The following HDAC9 variants were observed in gnomAD, a reference collection of about 807,000 sequenced individuals.
HDAC9 encodes the protein histone deacetylase 9.
In HDAC9, 41 loss-of-function variants were observed where a neutral mutation model predicts 139.4. The ratio of observed to expected loss-of-function variants is 0.29; its 90% confidence interval spans 0.23 to 0.38. HDAC9 has a LOEUF of 0.38. Ranked by LOEUF, HDAC9 falls within the 10% of genes least tolerant of loss-of-function variation. HDAC9 has a pLI of 1.00. For synonymous variants in HDAC9, 517 were observed against 476.2 expected (o/e 1.09, Z -1.12); for missense variants, 1,147 against 1,297.0 (o/e 0.88, Z 1.78).
chr7:18,985,376 A>C (rs1051301333), intron 25 of HDAC9, among the ~76,000 whole-genome samples: 60 of 152,316 alleles, frequency 3.9e-4, no homozygotes, highest in Non-Finnish European at 7.5e-4. Flanking sequence ...AATTTCATCC[A>C]TGTCCATACA....
At chr7:18,924,137 G>GAA (rs771219982) in intron 22 of HDAC9, among the ~76,000 whole-genome samples, 5 of 138,288 alleles carry the variant, frequency 3.6e-5, no homozygotes, top group African/African-American at 1.1e-4. Context: ...AAAAAGGAAG[G>GAA]AAAAAAAAAA....
rs1786351928 is a variant in HDAC9, at chr7:18,732,860, C to CGTGT, written c.1909+5105_1909+5106insGTGT. 2.2e-5 allele frequency among the ~76,000 whole-genome samples: 2 copies of CGTGT among 89,862 alleles called. 1 individual carries two copies. The allele number at this position is 89,862 out of a possible 152,430, so 59.0% of individuals were successfully genotyped here. A position where few individuals can be genotyped will look rare whatever the true frequency, so the allele number is the denominator to read the frequency against. ...GTGTACACACACGTGTGTATGTGTG[C>CGTGT]GTATGTGTACACACACACGTGTGCG... On this transcript the variant is annotated intron_variant, in intron 13 of 25. Coordinates refer to ENST00000686413, the MANE Select transcript of HDAC9 (RefSeq NM_178425.4).
In HDAC9 at chr7:18,647,919, A is replaced by G. The variant is rs35614472; in HGVS notation, c.1170A>G (p.Pro390=). Residue 390 remains proline, a synonymous_variant, in exon 10 of 26, where the codon CCA becomes CCG. Coordinates refer to ENST00000686413, the MANE Select transcript of HDAC9 (RefSeq NM_178425.4). ...SHPHVTLEGK[P]PNSSHQALLQ... is the part of the protein sequence containing the mutation. ...CTCATGTTACTTTAGAGGGAAAGCCACCCAACAGCAGCCACCAGGCTCTCC... is the reference window on the plus strand; with the variant it reads ...CTCATGTTACTTTAGAGGGAAAGCCGCCCAACAGCAGCCACCAGGCTCTCC... 2 of 1,612,898 alleles carry G rather than the reference A, an allele frequency of 1.2e-6. No homozygotes were observed. The highest frequency in any genetic ancestry group is 1.7e-6 in the Non-Finnish European group (2 of 1,179,468).
chr7:18,155,096 T>TC (rs373149531), intron 1 of HDAC9, among the ~76,000 whole-genome samples: 5 of 147,816 alleles, frequency 3.4e-5, no homozygotes, highest in South Asian at 4.2e-4. Context: ...TTTCTTTCTT[T>TC]TTTTTTTTTT....
At chr7:18,182,638 A>C (rs939950249) in intron 2 of HDAC9, among the ~76,000 whole-genome samples, 1 of 152,214 alleles carries the variant, frequency 6.6e-6, no homozygotes, top group African/African-American at 2.4e-5. Flanking sequence ...TACTATTCTT[A>C]TCCCATTTTA....
At chr7:18,874,403 AG>A in intron 21 of HDAC9, 74 bp from the exon 22 acceptor site, 4 of 783,958 alleles carry the variant, frequency 5.1e-6, no homozygotes, top group Non-Finnish European at 8.7e-6. Context: ...TTGTTGTGCC[AG>A]GTCGTTTTCA....
chr7:18,993,685 C>A (rs1786202667), intron 25 of HDAC9, among the ~76,000 whole-genome samples: 1 of 151,908 alleles, frequency 6.6e-6, no homozygotes, highest in South Asian at 2.1e-4. Context: ...TGCCTGTAGT[C>A]TCAGCTATTC....
Position 18,636,538 on chromosome 7 carries a change from G to A in HDAC9, c.912+1796G>A, listed in dbSNP as rs556420378. 3.9e-5 allele frequency among the ~76,000 whole-genome samples: 6 copies of A among 151,936 alleles called. No individual in the cohort carries two copies. In the South Asian group the frequency reaches 1.0e-3, roughly 26 times the overall value. The stretch of plus-strand genomic sequence containing the variant: ...GATTTCAAAAATTTCCCTCAAATAA[G>A]TTTCCAAGAAACATGAGCAAAATAT... On this transcript the variant is annotated intron_variant, in intron 8 of 25. Transcript: ENST00000686413.
intron 19 of HDAC9, among the ~76,000 whole-genome samples, chr7:18,832,927 G>A (rs981275567): frequency 6.6e-6 from 1 of 151,864 alleles, no homozygotes; most frequent in African/African-American, 2.4e-5. Flanking sequence ...GTAGAGACGG[G>A]GTTTCTCCAT....
At chr7:18,474,098 G>A (rs1031238321) in intron 1 of HDAC9, among the ~76,000 whole-genome samples, 6 of 152,134 alleles carry the variant, frequency 3.9e-5, no homozygotes, top group Non-Finnish European at 7.3e-5. Context: ...ATTTCTTTCC[G>A]TCCAATGCTG....
chr7:18,663,733 G>C lies in HDAC9; in HGVS notation c.1468-2480G>C, dbSNP rs150053986. Among the ~76,000 whole-genome samples, 140 of 152,210 alleles carry C rather than the reference G, an allele frequency of 9.2e-4. 2 individuals carry two copies. The East Asian group carries it at 0.015, about 16-fold the overall frequency. ...GTTAGTGAGAGGGAGAGTTTCTACAGCTCAGTGAGCATTTGTCCAGTCTTC... is the reference window on the plus strand; with the variant it reads ...GTTAGTGAGAGGGAGAGTTTCTACACCTCAGTGAGCATTTGTCCAGTCTTC... On this transcript the variant is annotated intron_variant, in intron 11 of 25. Transcript: ENST00000686413.
chr7:18,832,613 TTCTTA>T (rs1324755545), intron 19 of HDAC9, among the ~76,000 whole-genome samples: 1 of 152,196 alleles, frequency 6.6e-6, no homozygotes, highest in Non-Finnish European at 1.5e-5. Flanking sequence ...ACCAATAATT[TTCTTA>T]TCTTAGTTTA....
At chr7:18,328,783 C>G (rs1800670923) in intron 1 of HDAC9, among the ~76,000 whole-genome samples, 1 of 151,732 alleles carries the variant, frequency 6.6e-6, no homozygotes, top group South Asian at 2.1e-4. Context: ...TTGTAGTGTC[C>G]TTGTCCGGCT....
intron 24 of HDAC9, among the ~76,000 whole-genome samples, chr7:18,958,519 G>C (rs1414896201): frequency 6.6e-6 from 1 of 152,122 alleles, no homozygotes; most frequent in Non-Finnish European, 1.5e-5. Context: ...ACATAAAGTA[G>C]AATATTATTC....
At position 18,601,979 on chromosome 7, in the gene HDAC9, C is replaced by T. The variant is rs768775819; in HGVS notation, c.664+7950C>T. Among the ~76,000 whole-genome samples the T allele has an allele frequency of 9.9e-5, 15 of 152,110 alleles. 1 individual carries two copies. The highest frequency in any genetic ancestry group is 2.1e-4 in the Non-Finnish European group (14 of 67,990). ...TTTGGCAGTATGGTAATGCTGTCCT[C>T]ATAGAAAGAGTTAGGAAGTAGTCCT... On this transcript the variant is annotated intron_variant, in intron 6 of 25. Coordinates refer to ENST00000686413, the MANE Select transcript of HDAC9 (RefSeq NM_178425.4).
At chr7:18,716,658 A>C (rs887268068) in intron 12 of HDAC9, among the ~76,000 whole-genome samples, 1 of 152,182 alleles carries the variant, frequency 6.6e-6, no homozygotes, top group South Asian at 2.1e-4. Context: ...ATAGGTAGTA[A>C]CTTTTACCAA....
intron 22 of HDAC9, among the ~76,000 whole-genome samples, chr7:18,879,981 T>G (rs903470715): frequency 6.6e-6 from 1 of 151,926 alleles, no homozygotes; most frequent in Non-Finnish European, 1.5e-5. Context: ...AACAACCCCA[T>G]TAAAACGTGG....
At chr7:18,316,206 G>A (rs1799624082) in intron 1 of HDAC9, among the ~76,000 whole-genome samples, 1 of 152,142 alleles carries the variant, frequency 6.6e-6, no homozygotes, top group Non-Finnish European at 1.5e-5. Flanking sequence ...GCTCTGAAAT[G>A]ATACTGTGCT....
At chr7:18,303,258 C>G (rs923783097) in intron 1 of HDAC9, among the ~76,000 whole-genome samples, 1 of 151,948 alleles carries the variant, frequency 6.6e-6, no homozygotes, top group Non-Finnish European at 1.5e-5. Context: ...TGCTCTGTCG[C>G]CCAGGCAGGA....
Sources: gnomAD v4.1 joint callset for allele counts (sites outside exome capture counted in the v4.1 genomes callset) on GRCh38, gnomAD v4.1.1 for gene constraint, MANE v1.5 for transcripts, NCBI Gene and HGNC (gene_info 2026-07-23, HGNC 2026-07-21) for gene names.